MARCHF10: variants seen among roughly 807,000 people sequenced by gnomAD.
MARCHF10 encodes the protein probable E3 ubiquitin-protein ligase MARCHF10.
In MARCHF10, 64 loss-of-function variants were observed where a neutral mutation model predicts 76.2. The observed-to-expected ratio is 0.84, with a 90% confidence interval of 0.69 to 1.03. The LOEUF (loss-of-function observed/expected upper bound fraction) is 1.03. MARCHF10 is among the 50% of genes least tolerant of loss of function. The pLI is 0.00. For synonymous variants in MARCHF10, 340 were observed against 357.5 expected (o/e 0.95, Z 0.55); for missense variants, 875 against 958.0 (o/e 0.91, Z 1.14).
chr17:62,712,738 T>C lies in MARCHF10; in HGVS notation c.2215-1394A>G, dbSNP rs1184022087. On this transcript the variant is annotated intron_variant, in intron 8 of 10. Transcript: ENST00000311269. This position sits in a 1 kb window ranked among gnomAD's most constrained non-coding sequence, Gnocchi z 4.2. ...AGAAGAAGTTGCTTGTTTGCATTAT[T>C]TCTGTTTTATTTATTTAATTTTATT... 6.6e-6 allele frequency among the ~76,000 whole-genome samples: 1 copy of C among 152,150 alleles called. No homozygotes were observed. Among genetic ancestry groups the C allele is most frequent in the Non-Finnish European group, 1.5e-5 (1 of 68,022 alleles).
chr17:62,710,339 A>G (rs577567342), intron 9 of MARCHF10, among the ~76,000 whole-genome samples: 8 of 152,308 alleles, frequency 5.3e-5, no homozygotes, highest in African/African-American at 1.9e-4. Context: ...TTTTTAAAAA[A>G]TGTATTTCTT....
chr17:62,739,802 C>A (rs1285468483), intron 5 of MARCHF10, among the ~76,000 whole-genome samples: 1 of 152,098 alleles, frequency 6.6e-6, no homozygotes, highest in Non-Finnish European at 1.5e-5. Flanking sequence ...GGAGAAACAC[C>A]CAATGGGCAA....
chr17:62,723,559 C>CT (rs60456766), intron 7 of MARCHF10, among the ~76,000 whole-genome samples: 2,428 of 80,356 alleles, frequency 0.03, 299 homozygotes, highest in African/African-American at 0.047. Flanking sequence ...GTTCGCTTGA[C>CT]TTTTTTTTTT....
chr17:62,716,719 A>G (rs887769441), intron 8 of MARCHF10, among the ~76,000 whole-genome samples: 1 of 152,142 alleles, frequency 6.6e-6, no homozygotes, highest in African/African-American at 2.4e-5. Flanking sequence ...TAAGTGGGAA[A>G]ATATATAAGA....
At chr17:62,734,221 G>A (rs2091161377) in intron 6 of MARCHF10, among the ~76,000 whole-genome samples, 1 of 151,898 alleles carries the variant, frequency 6.6e-6, no homozygotes, top group Non-Finnish European at 1.5e-5. Flanking sequence ...TATGGTAAAA[G>A]CTCAAAGCAA....
At chr17:62,760,681 C>T (rs553121891) in intron 3 of MARCHF10, among the ~76,000 whole-genome samples, 4 of 152,310 alleles carry the variant, frequency 2.6e-5, no homozygotes, top group South Asian at 2.1e-4. Flanking sequence ...CTTACACCCA[C>T]CAAAGAAAGG....
intron 8 of MARCHF10, among the ~76,000 whole-genome samples, chr17:62,715,957 A>G (rs560986552): frequency 6.6e-5 from 10 of 152,284 alleles, no homozygotes; most frequent in Non-Finnish European, 1.3e-4. Flanking sequence ...CCCGGCACCT[A>G]GAGGACACGC....
intron 10 of MARCHF10, among the ~76,000 whole-genome samples, chr17:62,704,172 G>C (rs1311337338): frequency 6.6e-6 from 1 of 151,452 alleles, no homozygotes; most frequent in African/African-American, 2.4e-5. Context: ...GGAGGCCCTC[G>C]CCGAGGCGGA....
intron 1 of MARCHF10, among the ~76,000 whole-genome samples, chr17:62,803,528 A>AT (rs1310783618): frequency 6.0e-5 from 9 of 150,234 alleles, no homozygotes; most frequent in African/African-American, 1.5e-4. Flanking sequence ...ACTCTTTTTT[A>AT]TTTTTTTTTG....
intron 3 of MARCHF10, among the ~76,000 whole-genome samples, chr17:62,787,985 C>T (rs1446572907): frequency 6.6e-6 from 1 of 151,992 alleles, no homozygotes; most frequent in African/African-American, 2.4e-5. Flanking sequence ...CATCATATTG[C>T]TATATCTAGG....
chr17:62,714,966 C>T (rs2090120658), intron 8 of MARCHF10, among the ~76,000 whole-genome samples: 1 of 152,116 alleles, frequency 6.6e-6, no homozygotes, highest in South Asian at 2.1e-4. Flanking sequence ...AGGCTGGTCT[C>T]CAACTCCTGA....
intron 4 of MARCHF10, among the ~76,000 whole-genome samples, chr17:62,745,997 G>A (rs1033682506): frequency 4.6e-5 from 7 of 152,180 alleles, no homozygotes; most frequent in African/African-American, 1.2e-4. Context: ...GGATAAAGCC[G>A]GGGAAAGCCC....
chr17:62,725,025 G>A lies in MARCHF10; in HGVS notation c.2017C>T (p.Leu673Phe), dbSNP rs773830225. 5 of 1,609,860 alleles carry A rather than the reference G, an allele frequency of 3.1e-6. No individual in the cohort carries two copies. The highest frequency in any genetic ancestry group is 4.2e-6 in the Non-Finnish European group (5 of 1,178,460). Residue 673 changes from leucine to phenylalanine, a missense_variant, in exon 7 of 11, where the codon CTC becomes TTC. Coordinates refer to ENST00000311269, the MANE Select transcript of MARCHF10 (RefSeq NM_152598.4). Reference sequence around the variant, plus strand: ...CCCACACAGCCGCAAGGCTCCAGGAGGGGGTTGCTTGGGGAACCCCCGGCT... The same window carrying A: ...CCCACACAGCCGCAAGGCTCCAGGAAGGGGTTGCTTGGGGAACCCCCGGCT... ...QIAGGSPSNP[L>F]LEPCGCVGSL... is the part of the protein sequence containing the mutation.
rs777013925 is a variant in MARCHF10 at position 62,712,578 on chromosome 17, C to CT, written c.2215-1235dup. 4.6e-5 allele frequency among the ~76,000 whole-genome samples: 7 copies of CT among 152,200 alleles called. No homozygotes were observed. The highest frequency in any genetic ancestry group is 8.8e-5 in the Non-Finnish European group (6 of 68,042). ...TTGGTGACAGCCGGCCCTGAGATCACTGCTGCAGGCCTCTCCACCATTCTA... is the reference window on the plus strand; with the variant it reads ...TTGGTGACAGCCGGCCCTGAGATCACTTGCTGCAGGCCTCTCCACCATTCTA... On this transcript the variant is annotated intron_variant, in intron 8 of 10. Coordinates refer to ENST00000311269, the MANE Select transcript of MARCHF10 (RefSeq NM_152598.4). The surrounding 1 kb of genome is among the most constrained non-coding windows in gnomAD (Gnocchi z 4.2).
intron 8 of MARCHF10, among the ~76,000 whole-genome samples, chr17:62,721,674 A>G (rs1484930679): frequency 1.3e-5 from 2 of 152,174 alleles, no homozygotes; most frequent in Non-Finnish European, 2.9e-5. Flanking sequence ...TTACAATATT[A>G]GAAATGCAGT....
At position 62,737,311 on chromosome 17, in the gene MARCHF10, C is replaced by A. The variant is rs1174477391; in HGVS notation, c.557G>T (p.Gly186Val). 14 of 1,609,626 alleles carry A rather than the reference C, an allele frequency of 8.7e-6. No individual in the cohort carries two copies. Among genetic ancestry groups the A allele is most frequent in the South Asian group, 7.8e-5 (7 of 89,840 alleles). The change falls in exon 6 of 11, where the codon GGC becomes GTC. Residue 186 changes from glycine to valine, a missense_variant. Physicochemically the swap from Gly to Val is moderately radical, Grantham distance 109. Coordinates refer to ENST00000311269, the MANE Select transcript of MARCHF10 (RefSeq NM_152598.4). Reference sequence around the variant, plus strand: ...CTTCAGCTTAGTGTTACACATCAGGCCTTCTTGTTGAACTACTTGATCTGC... The same window carrying A: ...CTTCAGCTTAGTGTTACACATCAGGACTTCTTGTTGAACTACTTGATCTGC... The part of the protein sequence containing the change: ...RGADQVVQQE[G>V]LMCNTKLKRP...
chr17:62,733,375 T>C (rs1015262611), intron 6 of MARCHF10, among the ~76,000 whole-genome samples: 4 of 152,230 alleles, frequency 2.6e-5, no homozygotes, highest in African/African-American at 7.2e-5. Context: ...ATAAAATGCC[T>C]AACTTCATTA....
chr17:62,719,569 T>C (rs1339747174), intron 8 of MARCHF10, among the ~76,000 whole-genome samples: 1 of 152,154 alleles, frequency 6.6e-6, no homozygotes, highest in Non-Finnish European at 1.5e-5. Flanking sequence ...TTTTTCTTTA[T>C]CTTTGATTTT....
intron 8 of MARCHF10, among the ~76,000 whole-genome samples, chr17:62,718,976 T>A (rs917956141): frequency 6.6e-5 from 10 of 152,336 alleles, no homozygotes; most frequent in African/African-American, 2.4e-4. Context: ...TTCATTCTTG[T>A]CAATATTTTG....
Sources: allele counts gnomAD v4.1 joint callset (sites outside exome capture counted in the v4.1 genomes callset), GRCh38; gene constraint gnomAD v4.1.1; non-coding constraint Gnocchi (gnomAD v3.1); transcripts MANE v1.5; gene names NCBI Gene and HGNC (gene_info 2026-07-23, HGNC 2026-07-21).